Variants in CREG2 observed in about 807,000 individuals in gnomAD.
CREG2 encodes the protein cellular repressor of E1A stimulated genes 2.
In CREG2, 24 loss-of-function variants were observed where a neutral mutation model predicts 26.2. The observed-to-expected ratio is 0.92, with a 90% CI of 0.66 to 1.29. The LOEUF is 1.29. Among genes scored for constraint, CREG2 ranks in the 50% most tolerant of loss-of-function variants. The pLI is 0.00. For synonymous variants in CREG2, 174 were observed against 169.2 expected, an observed-to-expected ratio of 1.03 and a Z score of -0.22; for missense variants, 366 against 398.6, an observed-to-expected ratio of 0.92 and a Z score of 0.70.
intron 2 of CREG2, among the ~76,000 whole-genome samples, chr2:101,369,461 A>G (rs550217299): frequency 3.9e-5 from 6 of 152,302 alleles, no homozygotes; most frequent in Non-Finnish European, 7.3e-5. Flanking sequence ...TCTAGAGCTC[A>G]GATGAGTGGT....
intron 2 of CREG2, among the ~76,000 whole-genome samples, chr2:101,379,130 A>C (rs533805759): frequency 6.6e-6 from 1 of 152,348 alleles, no homozygotes; most frequent in Admixed American, 6.5e-5. Flanking sequence ...AAAGAAGGGC[A>C]GGCCAATAAT....
At position 101,348,174 on chromosome 2, in the gene CREG2, C is replaced by T. The variant is rs140421774; in HGVS notation, c.*2749G>A. On this transcript the variant is annotated 3_prime_UTR_variant, in exon 4 of 4. Transcript: ENST00000324768. ...CCATCAATGTGTTTCTATGCCTCCA[C>T]CAAATACCACACTTCTTGAATACTG... 1.3e-5 allele frequency: 2 copies of T among 152,178 alleles called. No homozygotes were observed. The highest frequency in any genetic ancestry group is 2.9e-5 in the Non-Finnish European group (2 of 68,032). The allele number at this position is 152,178 out of a possible 1,614,324, so 9.4% of individuals were successfully genotyped here.
In CREG2 at chr2:101,387,402, A is replaced by G. The variant is rs928426501; in HGVS notation, c.56T>C (p.Leu19Pro). The G allele has an allele frequency of 3.1e-6, 4 of 1,290,286 alleles. No homozygotes were observed. Among genetic ancestry groups the G allele is most frequent in the Non-Finnish European group, 4.0e-6 (4 of 1,000,016 alleles). The allele number at this position is 1,290,286 out of a possible 1,614,324, so 79.9% of individuals were successfully genotyped here. The stretch of plus-strand genomic sequence containing the variant: ...GGACAGCAGGGCGCTGCAGCACAGC[A>G]GCCAGGAGAGGCGGGTCCCCGGCCG... ...PARPGTRLSW[L>P]LCCSALLSPA... The change falls in exon 1 of 4, where the codon CTG becomes CCG. Residue 19 changes from leucine to proline, a missense_variant. Leu to Pro is a moderately conservative substitution (Grantham distance 98, BLOSUM62 -3). Transcript: ENST00000324768. The surrounding 1 kb of genome is among the most constrained non-coding windows in gnomAD (Gnocchi z 4.7).
chr2:101,378,213 C>A (rs913811741), intron 2 of CREG2, among the ~76,000 whole-genome samples: 1 of 152,306 alleles, frequency 6.6e-6, no homozygotes, highest in Admixed American at 6.5e-5. Context: ...TGAGATCATG[C>A]GGGATTTGTC....
chr2:101,346,743 C>T lies in CREG2; in HGVS notation c.*4180G>A, dbSNP rs1237008011. The T allele has an allele frequency of 6.6e-6, 1 of 152,122 alleles. No individual in the cohort carries two copies. Among genetic ancestry groups the T allele is most frequent in the South Asian group, 2.1e-4 (1 of 4,826 alleles). The allele number at this position is 152,122 out of a possible 1,614,324, so 9.4% of individuals were successfully genotyped here. On this transcript the variant is annotated 3_prime_UTR_variant, in exon 4 of 4. Coordinates refer to ENST00000324768, the MANE Select transcript of CREG2 (RefSeq NM_153836.4). ...AATCTTGTTTATGTTAAGCTTTTTA[C>T]TCAGAGATAATTGTAGATTCTGAGA...
Position 101,345,990 on chromosome 2 carries a change from T to A in CREG2, c.*4933A>T, listed in dbSNP as rs931280902. 2.5e-4 allele frequency: 7 copies of A among 27,906 alleles called. No individual in the cohort carries two copies. The South Asian group carries it at 6.3e-3, about 25-fold the overall frequency. The allele number at this position is 27,906 out of a possible 1,614,324, so 1.7% of individuals were successfully genotyped here. On this transcript the variant is annotated 3_prime_UTR_variant, in exon 4 of 4. Coordinates refer to ENST00000324768, the MANE Select transcript of CREG2 (RefSeq NM_153836.4). The stretch of plus-strand genomic sequence containing the variant: ...AGGTGTGCACCACCATGCTGGGCTT[T>A]TTTTTTTTTTTTTTTAATAAATATT...
At position 101,346,105 on chromosome 2, in the gene CREG2, T is replaced by A. The variant is rs1684300843; in HGVS notation, c.*4818A>T. 1.3e-5 allele frequency: 2 copies of A among 152,100 alleles called. No individual in the cohort carries two copies. The highest frequency in any genetic ancestry group is 4.2e-4 in the South Asian group (2 of 4,818). The allele number at this position is 152,100 out of a possible 1,614,324, so 9.4% of individuals were successfully genotyped here. On this transcript the variant is annotated 3_prime_UTR_variant, in exon 4 of 4. Transcript: ENST00000324768. ...CCTCCTGCCTTGGCCTCCCAAAGTG[T>A]TTGGATTACAGGCATGAGCTACCTT... is the stretch of plus-strand genomic sequence containing the variant.
chr2:101,372,404 TTAG>T (rs1179534011), intron 2 of CREG2, among the ~76,000 whole-genome samples: 1 of 152,238 alleles, frequency 6.6e-6, no homozygotes, highest in Non-Finnish European at 1.5e-5. Context: ...GAGTTTATCA[TTAG>T]TATCTCCCTA....
intron 2 of CREG2, among the ~76,000 whole-genome samples, chr2:101,361,276 T>C (rs527637189): frequency 5.3e-5 from 8 of 152,342 alleles, no homozygotes; most frequent in African/African-American, 1.9e-4. Flanking sequence ...GACAGGCTAA[T>C]GGCCCCCCAA....
rs760729104 is a variant in CREG2 at position 101,355,253 on chromosome 2, C to T, written c.725G>A (p.Arg242Lys). ...TATAAATTTTAAAGCATTTACACAC[C>T]TTGAAAACATGGCTTGCTTGGCAAA... Reference protein sequence around the residue: ...VEFAKQAMFSRHPGMRKWPRQ... With the variant: ...VEFAKQAMFSKHPGMRKWPRQ... Residue 242 changes from arginine to lysine, a missense_variant and splice_region_variant, in exon 3 of 4, where the codon AGG becomes AAG. Arg to Lys is a conservative substitution (Grantham distance 26). Transcript: ENST00000324768. 1 of 1,600,078 alleles carries T rather than the reference C, an allele frequency of 6.2e-7. No homozygotes were observed. The highest frequency in any genetic ancestry group is 8.6e-7 in the Non-Finnish European group (1 of 1,167,342).
chr2:101,353,256 A>T (rs1684409279), intron 3 of CREG2, among the ~76,000 whole-genome samples: 1 of 152,226 alleles, frequency 6.6e-6, no homozygotes, highest in Non-Finnish European at 1.5e-5. Flanking sequence ...GAAGCTCTTT[A>T]GTTTAATTAG....
In CREG2 at chr2:101,387,424, GC is replaced by G; in HGVS notation, c.33del (p.Pro12ArgfsTer22). MSVRRGRRPARPGTRLSWLLC... is the reference protein window; with the variant it reads MSVRRGRRPAXPGTRLSWLLC... ...AGCAGCCAGGAGAGGCGGGTCCCCG[GC>G]CGCGCCGGCCGCCGGCCGCGGCGCA... On this transcript the variant is annotated frameshift_variant, in exon 1 of 4. Transcript: ENST00000324768. LOFTEE classifies it high-confidence loss of function. The surrounding 1 kb of genome is among the most constrained non-coding windows in gnomAD (Gnocchi z 4.7). The G allele has an allele frequency of 8.8e-7, 1 of 1,137,430 alleles. No individual in the cohort carries two copies. The highest frequency in any genetic ancestry group is 1.1e-6 in the Non-Finnish European group (1 of 915,824). The allele number at this position is 1,137,430 out of a possible 1,614,324, so 70.5% of individuals were successfully genotyped here.
chr2:101,383,081 C>T, intron 2 of CREG2: 1 of 749,140 alleles, frequency 1.3e-6, no homozygotes, highest in Non-Finnish European at 1.6e-6. Context: ...GCACATATCT[C>T]TGGGGACAGG....
chr2:101,380,447 G>A lies in CREG2; in HGVS notation c.611+3086C>T, dbSNP rs373781630. Among the ~76,000 whole-genome samples the A allele has an allele frequency of 2.6e-5, 4 of 152,352 alleles. No homozygotes were observed. The East Asian group carries it at 7.7e-4, about 29-fold the overall frequency. ...GCCCAGTAGGCTGTAGGAAACGGCC[G>A]CGAAGGCACCCCTTTTCCTTCCTCA... On this transcript the variant is annotated intron_variant, in intron 2 of 3. Coordinates refer to ENST00000324768, the MANE Select transcript of CREG2 (RefSeq NM_153836.4).
At chr2:101,382,060 T>C (rs1342724733) in intron 2 of CREG2, 1 of 152,214 alleles carries the variant, frequency 6.6e-6, no homozygotes, top group African/African-American at 2.4e-5. Context: ...TATATTCTGT[T>C]GCCTGTCCCC....
In CREG2 at chr2:101,387,426, C is replaced by T; in HGVS notation, c.32G>A (p.Arg11Gln). The change falls in exon 1 of 4, where the codon CGG becomes CAG. Residue 11 changes from arginine (R) to glutamine (Q), a missense_variant. Coordinates refer to ENST00000324768, the MANE Select transcript of CREG2 (RefSeq NM_153836.4). The surrounding 1 kb of genome is among the most constrained non-coding windows in gnomAD (Gnocchi z 4.7). Reference sequence around the variant, plus strand: ...CAGCCAGGAGAGGCGGGTCCCCGGCCGCGCCGGCCGCCGGCCGCGGCGCAC... The same window carrying T: ...CAGCCAGGAGAGGCGGGTCCCCGGCTGCGCCGGCCGCCGGCCGCGGCGCAC... Reference protein sequence around the residue: MSVRRGRRPARPGTRLSWLLC... With the variant: MSVRRGRRPAQPGTRLSWLLC... The T allele has an allele frequency of 8.0e-7, 1 of 1,246,702 alleles. No individual in the cohort carries two copies. The highest frequency in any genetic ancestry group is 1.6e-5 in the African/African-American group (1 of 63,418). The allele number at this position is 1,246,702 out of a possible 1,614,324, so 77.2% of individuals were successfully genotyped here.
intron 2 of CREG2, among the ~76,000 whole-genome samples, chr2:101,365,425 A>G (rs1684606338): frequency 6.6e-6 from 1 of 152,114 alleles, no homozygotes; most frequent in African/African-American, 2.4e-5. Flanking sequence ...CCATCCTCCT[A>G]GGGATGCTAT....
At position 101,347,937 on chromosome 2, in the gene CREG2, G is replaced by A. The variant is rs1684328335; in HGVS notation, c.*2986C>T. ...ATTTTCTATATCCTATAGTTTTATAGTTTTACATTTTATTTTTACAGATAT... is the reference window on the plus strand; with the variant it reads ...ATTTTCTATATCCTATAGTTTTATAATTTTACATTTTATTTTTACAGATAT... On this transcript the variant is annotated 3_prime_UTR_variant, in exon 4 of 4. Coordinates refer to ENST00000324768, the MANE Select transcript of CREG2 (RefSeq NM_153836.4). 1 of 152,084 alleles carries A rather than the reference G, an allele frequency of 6.6e-6. No homozygotes were observed. Among genetic ancestry groups the A allele is most frequent in the Admixed American group, 6.6e-5 (1 of 15,266 alleles). The allele number at this position is 152,084 out of a possible 1,614,324, so 9.4% of individuals were successfully genotyped here.
At chr2:101,356,127 C>G (rs528319271) in intron 2 of CREG2, among the ~76,000 whole-genome samples, 3 of 152,176 alleles carry the variant, frequency 2.0e-5, no homozygotes, top group Non-Finnish European at 4.4e-5. Flanking sequence ...CAGCCAGGCT[C>G]CTCTCCAAAG....
Sources: allele counts gnomAD v4.1 joint callset (sites outside exome capture counted in the v4.1 genomes callset), GRCh38; gene constraint gnomAD v4.1.1; non-coding constraint Gnocchi (gnomAD v3.1); transcripts MANE v1.5; gene names NCBI Gene and HGNC (gene_info 2026-07-23, HGNC 2026-07-21).